SPAG17: variants seen among roughly 807,000 people sequenced by gnomAD.
The protein encoded by SPAG17 is sperm-associated antigen 17.
In SPAG17, 169 loss-of-function variants were observed where a neutral mutation model predicts 273.6. The ratio of observed to expected loss-of-function variants is 0.62; its 90% CI spans 0.55 to 0.70. The LOEUF (loss-of-function observed/expected upper bound fraction) is 0.70, where lower values mean the gene tolerates loss of function less well. Ranked by LOEUF, SPAG17 falls within the 30% of genes least tolerant of loss-of-function variation. The pLI is 0.00. For synonymous variants in SPAG17, 825 were observed against 873.2 expected (o/e 0.94, Z 0.97); for missense variants, 2,557 against 2,627.8 (o/e 0.97, Z 0.59).
chr1:117,982,241 A>ATT (rs763137879), intron 42 of SPAG17, among the ~76,000 whole-genome samples: 9,560 of 132,712 alleles, frequency 0.072, 541 homozygotes, highest in Non-Finnish European at 0.11. Flanking sequence ...CTATCTGCTT[A>ATT]TTTTTTTTTT....
rs1290038519 is a variant in SPAG17 at position 118,111,557 on chromosome 1, C to CACAT, written c.447+3752_447+3753insATGT. On this transcript the variant is annotated intron_variant, in intron 4 of 48. Coordinates refer to ENST00000336338, the MANE Select transcript of SPAG17 (RefSeq NM_206996.4). The stretch of plus-strand genomic sequence containing the variant: ...GTATGGCTTTTCTTTTAAAACAACA[C>CACAT]ACACACACACACACACACACACACA... Among the ~76,000 whole-genome samples, 3 of 149,274 alleles carry CACAT rather than the reference C, an allele frequency of 2.0e-5. No homozygotes were observed. In the East Asian group the frequency reaches 6.0e-4, roughly 30 times the overall value.
chr1:118,102,983 C>T (rs1390975842), intron 4 of SPAG17, among the ~76,000 whole-genome samples: 1 of 152,204 alleles, frequency 6.6e-6, no homozygotes, highest in Non-Finnish European at 1.5e-5. Flanking sequence ...TTTGTACCTG[C>T]TCCTCAGCAG....
chr1:118,135,301 C>G (rs1011992620), intron 3 of SPAG17, among the ~76,000 whole-genome samples: 1 of 151,662 alleles, frequency 6.6e-6, no homozygotes, highest in South Asian at 2.1e-4. Context: ...GTGCTATGAA[C>G]TTACTGTGCC....
intron 20 of SPAG17, among the ~76,000 whole-genome samples, chr1:118,045,273 C>T (rs1477033119): frequency 6.6e-6 from 1 of 152,174 alleles, no homozygotes; most frequent in Non-Finnish European, 1.5e-5. Flanking sequence ...AAAGACCAAA[C>T]CTTAATTAGA....
intron 15 of SPAG17, among the ~76,000 whole-genome samples, chr1:118,077,225 A>G (rs1411034867): frequency 6.6e-6 from 1 of 152,096 alleles, no homozygotes; most frequent in Non-Finnish European, 1.5e-5. Context: ...AACATCAACA[A>G]CAACAAAGTC....
chr1:118,042,973 A>G (rs1296801467), intron 20 of SPAG17, among the ~76,000 whole-genome samples: 1 of 152,220 alleles, frequency 6.6e-6, no homozygotes, highest in Non-Finnish European at 1.5e-5. Flanking sequence ...ATGATTTGAT[A>G]TAAGCTCACA....
At chr1:117,970,281 CTG>C (rs1491359538) in intron 45 of SPAG17, among the ~76,000 whole-genome samples, 165 bp from the exon 46 acceptor site, 2 of 152,224 alleles carry the variant, frequency 1.3e-5, no homozygotes, top group African/African-American at 2.4e-5. Context: ...GGAGAAGAAT[CTG>C]GGGCCCATTT....
intron 29 of SPAG17, among the ~76,000 whole-genome samples, chr1:118,015,580 C>G (rs1659876154): frequency 6.6e-6 from 1 of 152,152 alleles, no homozygotes; most frequent in Non-Finnish European, 1.5e-5. Flanking sequence ...AGAAGCCTCT[C>G]ACTTCCAGAA....
intron 3 of SPAG17, among the ~76,000 whole-genome samples, chr1:118,140,123 GACTTCTCA>G (rs1658591476): frequency 6.6e-6 from 1 of 152,044 alleles, no homozygotes. Flanking sequence ...CTTGACCTGA[GACTTCTCA>G]GCCTCCTTAA....
Position 118,040,560 on chromosome 1 carries a change from A to T in SPAG17, c.3166+170T>A, listed in dbSNP as rs552808696. On this transcript the variant is annotated intron_variant, in intron 22 of 48. Coordinates refer to ENST00000336338, the MANE Select transcript of SPAG17 (RefSeq NM_206996.4). ...GACTGGCCTATGCCTTGTAGAGTCAATTATAATAGAAGAAAGTGTGAAGTC... is the reference window on the plus strand; with the variant it reads ...GACTGGCCTATGCCTTGTAGAGTCATTTATAATAGAAGAAAGTGTGAAGTC... Among the ~76,000 whole-genome samples, 4 of 152,308 alleles carry T rather than the reference A, an allele frequency of 2.6e-5. No homozygotes were observed. The East Asian group carries it at 7.7e-4, about 29-fold the overall frequency.
At chr1:118,081,762 G>T (rs952692151) in intron 13 of SPAG17, 120 bp from the exon 14 acceptor site, 2 of 760,370 alleles carry the variant, frequency 2.6e-6, no homozygotes, top group Non-Finnish European at 4.3e-6. Flanking sequence ...CGCCACAATG[G>T]CTGTTGAGCT....
intron 3 of SPAG17, among the ~76,000 whole-genome samples, chr1:118,147,204 A>G (rs1659055100): frequency 1.3e-5 from 2 of 152,172 alleles, no homozygotes; most frequent in African/African-American, 2.4e-5. Context: ...AGTCTTTATA[A>G]TATTAATATT....
intron 48 of SPAG17, 110 bp from the exon 49 acceptor site, chr1:117,954,159 C>T (rs1651817612): frequency 7.0e-7 from 1 of 1,437,936 alleles, no homozygotes; most frequent in African/African-American, 1.4e-5. Context: ...GGAGAAAAAC[C>T]ATTGTTTTGG....
intron 43 of SPAG17, among the ~76,000 whole-genome samples, chr1:117,976,623 G>A (rs1227404569): frequency 6.6e-6 from 1 of 152,172 alleles, no homozygotes; most frequent in Non-Finnish European, 1.5e-5. Context: ...TGACGTGGTG[G>A]CTCCTTGGCT....
intron 32 of SPAG17, among the ~76,000 whole-genome samples, chr1:117,999,966 G>T (rs1438207939): frequency 2.0e-5 from 3 of 151,988 alleles, no homozygotes; most frequent in East Asian, 1.9e-4. Context: ...GGTCTAACAT[G>T]TAAGTCTTTA....
intron 1 of SPAG17, among the ~76,000 whole-genome samples, chr1:118,170,351 T>C (rs1431984794): frequency 6.6e-6 from 1 of 152,118 alleles, no homozygotes; most frequent in Non-Finnish European, 1.5e-5. Flanking sequence ...TAACTAAGTA[T>C]TAAGTTATAA....
rs73018003 is a variant in SPAG17, at chr1:118,113,244, C to T, written c.447+2066G>A. On this transcript the variant is annotated intron_variant, in intron 4 of 48. Coordinates refer to ENST00000336338, the MANE Select transcript of SPAG17 (RefSeq NM_206996.4). Reference sequence around the variant, plus strand: ...TCAGTCACTAACCTTGTAGAAATTTCGGAATCTCACTGTGGGTTCAGGAAA... The same window carrying T: ...TCAGTCACTAACCTTGTAGAAATTTTGGAATCTCACTGTGGGTTCAGGAAA... 2.0e-3 allele frequency among the ~76,000 whole-genome samples: 298 copies of T among 152,216 alleles called. 3 individuals are homozygous for T. The highest frequency in any genetic ancestry group is 6.9e-3 in the African/African-American group (286 of 41,568).
intron 3 of SPAG17, among the ~76,000 whole-genome samples, chr1:118,147,775 G>C (rs968465273): frequency 2.0e-5 from 3 of 152,150 alleles, no homozygotes; most frequent in Admixed American, 6.6e-5. Flanking sequence ...AATCACTTAG[G>C]AATGTGGTCT....
In SPAG17 at chr1:118,050,962, G is replaced by C. The variant is rs1355973736; in HGVS notation, c.2814+3040C>G. Reference sequence around the variant, plus strand: ...TCAACAAAGCGAAGAAATAACCTATGGAATAGGACATAATATTTGAAAACC... The same window carrying C: ...TCAACAAAGCGAAGAAATAACCTATCGAATAGGACATAATATTTGAAAACC... On this transcript the variant is annotated intron_variant, in intron 20 of 48. Coordinates refer to ENST00000336338, the MANE Select transcript of SPAG17 (RefSeq NM_206996.4). Among the ~76,000 whole-genome samples, 106 of 152,026 alleles carry C rather than the reference G, an allele frequency of 7.0e-4. 1 individual carries two copies. The highest frequency in any genetic ancestry group is 2.4e-3 in the African/African-American group (101 of 41,402).
Sources: gnomAD v4.1 joint callset for allele counts (sites outside exome capture counted in the v4.1 genomes callset) on GRCh38, gnomAD v4.1.1 for gene constraint, MANE v1.5 for transcripts, NCBI Gene and HGNC (gene_info 2026-07-23, HGNC 2026-07-21) for gene names.